The following NOD1 variants were observed in gnomAD, a reference collection of about 807,000 sequenced individuals.
NOD1 encodes nucleotide-binding oligomerization domain-containing protein 1.
In NOD1, 70 loss-of-function variants were observed where a neutral mutation model predicts 81.2. The observed-to-expected ratio is 0.86, with a 90% CI of 0.71 to 1.05. The LOEUF (loss-of-function observed/expected upper bound fraction) is 1.05, where lower values mean the gene tolerates loss of function less well. NOD1 is among the 50% of genes least tolerant of loss of function. The pLI is 0.00. For synonymous variants in NOD1, 508 were observed against 526.9 expected (o/e 0.96, Z 0.49); for missense variants, 1,233 against 1,228.0 (o/e 1.00, Z -0.06).
intron 1 of NOD1, among the ~76,000 whole-genome samples, chr7:30,468,221 C>T (rs1251224690): frequency 6.6e-6 from 1 of 152,152 alleles, no homozygotes; most frequent in African/African-American, 2.4e-5. Flanking sequence ...CGTTTCATTT[C>T]CTTTGTCTTG....
chr7:30,426,391 C>G (rs1376857459), intron 13 of NOD1, among the ~76,000 whole-genome samples: 1 of 151,438 alleles, frequency 6.6e-6, no homozygotes, highest in Non-Finnish European at 1.5e-5. Flanking sequence ...TTCCTTGTAT[C>G]ACAAAGTTCT....
At position 30,459,634 on chromosome 7, in the gene NOD1, G is replaced by A. The variant is rs559287349; in HGVS notation, c.-211+267C>T. ...TGTATTCCAGCTAGTCCTGCTGCCT[G>A]GAAAGGCTCCAGGGTTGGGGCCTGT... On this transcript the variant is annotated intron_variant, in intron 2 of 13. Transcript: ENST00000222823. Among the ~76,000 whole-genome samples, 19 of 152,334 alleles carry A rather than the reference G, an allele frequency of 1.2e-4. 1 individual carries two copies. Among genetic ancestry groups the A allele is most frequent in the Admixed American group, 9.1e-4 (14 of 15,304 alleles).
intron 1 of NOD1, among the ~76,000 whole-genome samples, chr7:30,468,255 C>T (rs1008609671): frequency 4.6e-5 from 7 of 152,024 alleles, no homozygotes. Context: ...TTTCATAAAA[C>T]ACATACCTCT....
intron 1 of NOD1, among the ~76,000 whole-genome samples, chr7:30,462,893 G>A (rs529265088): frequency 2.7e-5 from 4 of 150,328 alleles, no homozygotes; most frequent in African/African-American, 7.4e-5. Context: ...AGGTTGCAGC[G>A]AGCCAAGATC....
At chr7:30,425,772 T>C in intron 13 of NOD1, 62 bp from the exon 14 acceptor site, 3 of 1,126,508 alleles carry the variant, frequency 2.7e-6, no homozygotes, top group Non-Finnish European at 4.1e-6. Flanking sequence ...CGCACACTCC[T>C]TCCCAAGGTG....
At chr7:30,456,299 G>A (rs1381514346) in intron 4 of NOD1, among the ~76,000 whole-genome samples, 1 of 152,176 alleles carries the variant, frequency 6.6e-6, no homozygotes, top group Non-Finnish European at 1.5e-5. Flanking sequence ...TCTTCACTGT[G>A]GACCCACCGT....
intron 12 of NOD1, among the ~76,000 whole-genome samples, chr7:30,431,377 T>C (rs1783942807): frequency 6.6e-6 from 1 of 152,138 alleles, no homozygotes; most frequent in African/African-American, 2.4e-5. Flanking sequence ...AAGAACAAAG[T>C]AGAACTCACA....
At chr7:30,433,584 A>C (rs765933440) in intron 11 of NOD1, among the ~76,000 whole-genome samples, 3 of 152,196 alleles carry the variant, frequency 2.0e-5, no homozygotes, top group Non-Finnish European at 2.9e-5. Flanking sequence ...TGAAGACCTG[A>C]AACAGTCACT....
chr7:30,465,889 G>T (rs1046616858), intron 1 of NOD1, among the ~76,000 whole-genome samples: 2 of 152,194 alleles, frequency 1.3e-5, no homozygotes, highest in Non-Finnish European at 2.9e-5. Context: ...ATATAGGTTG[G>T]TAACAAATAC....
chr7:30,468,122 A>C (rs1297079357), intron 1 of NOD1, among the ~76,000 whole-genome samples: 3 of 152,238 alleles, frequency 2.0e-5, no homozygotes, highest in Non-Finnish European at 4.4e-5. Context: ...TACAGAGCAA[A>C]AGTCAACAAT....
chr7:30,427,841 T>G (rs1035500012), intron 13 of NOD1, among the ~76,000 whole-genome samples: 4 of 152,232 alleles, frequency 2.6e-5, no homozygotes, highest in African/African-American at 9.6e-5. Flanking sequence ...GGAAGCCAAC[T>G]GTGCTCTGCA....
intron 1 of NOD1, among the ~76,000 whole-genome samples, chr7:30,477,468 G>C (rs560549888): frequency 3.9e-5 from 6 of 152,242 alleles, no homozygotes; most frequent in African/African-American, 1.4e-4. Context: ...GAACAAACTC[G>C]ACCCTTTGGC....
At chr7:30,446,657 C>G (rs758159036) in intron 8 of NOD1, 36 of 409,158 alleles carry the variant, frequency 8.8e-5, no homozygotes, top group Non-Finnish European at 1.1e-4. Context: ...GGCCCAAGCT[C>G]TTCCTTGCAA....
intron 12 of NOD1, among the ~76,000 whole-genome samples, chr7:30,431,846 T>TATTAC: frequency 6.6e-6 from 1 of 152,222 alleles, no homozygotes; most frequent in Admixed American, 6.5e-5. Context: ...GCTTTTCGCC[T>TATTAC]GTAATCCCAG....
In NOD1 at chr7:30,424,529, A is replaced by AGAG. The variant is rs1491506450; in HGVS notation, c.*1106_*1108dup. 6.6e-6 allele frequency: 1 copy of AGAG among 152,202 alleles called. No homozygotes were observed. The highest frequency in any genetic ancestry group is 2.4e-5 in the African/African-American group (1 of 41,446). 9.4% of individuals were successfully genotyped at this position (152,202 alleles called of 1,614,324 possible). ...TCAAAAACTCCAGACTCAACCCGTAAGAGTGTTTTCAGTATTTTATTAACA... is the reference window on the plus strand; with the variant it reads ...TCAAAAACTCCAGACTCAACCCGTAAGAGGAGTGTTTTCAGTATTTTATTAACA... On this transcript the variant is annotated 3_prime_UTR_variant, in exon 14 of 14. Coordinates refer to ENST00000222823, the MANE Select transcript of NOD1 (RefSeq NM_006092.4).
chr7:30,438,221 G>T (rs1227504515), intron 9 of NOD1, among the ~76,000 whole-genome samples: 1 of 152,224 alleles, frequency 6.6e-6, no homozygotes, highest in Admixed American at 6.5e-5. Flanking sequence ...CATCTTGGTG[G>T]ACAGGTGCGG....
intron 12 of NOD1, among the ~76,000 whole-genome samples, chr7:30,429,813 C>T (rs186775369): frequency 5.9e-5 from 9 of 152,220 alleles, no homozygotes; most frequent in South Asian, 4.1e-4. Flanking sequence ...GGGTGGATCA[C>T]GAGCTCAGGA....
intron 10 of NOD1, among the ~76,000 whole-genome samples, chr7:30,436,895 A>G (rs1180029899): frequency 6.6e-6 from 1 of 152,192 alleles, no homozygotes; most frequent in Non-Finnish European, 1.5e-5. Context: ...AAGGATTATA[A>G]ATCATTCTGC....
intron 6 of NOD1, among the ~76,000 whole-genome samples, chr7:30,449,717 GCT>G (rs1341676545): frequency 1.3e-5 from 2 of 152,192 alleles, no homozygotes; most frequent in Admixed American, 6.6e-5. Flanking sequence ...TGGGGTTTTC[GCT>G]CTCAGCTAAA....
Sources: allele counts gnomAD v4.1 joint callset (sites outside exome capture counted in the v4.1 genomes callset), GRCh38; gene constraint gnomAD v4.1.1; transcripts MANE v1.5; gene names NCBI Gene and HGNC (gene_info 2026-07-23, HGNC 2026-07-21).